ARL5A: variants seen among roughly 807,000 people sequenced by gnomAD.
ARL5A encodes the protein ADP-ribosylation factor-like protein 5A.
In ARL5A, 18 loss-of-function variants were observed where a neutral mutation model predicts 25.9. The observed-to-expected ratio is 0.69, with a 90% CI of 0.48 to 1.03. The LOEUF (loss-of-function observed/expected upper bound fraction) is 1.03, where lower values mean the gene tolerates loss of function less well. ARL5A is among the 50% of genes least tolerant of loss of function. ARL5A has a pLI of 0.00. For missense variants in ARL5A, 170 were observed against 211.9 expected (o/e 0.80, Z 1.23); for synonymous variants, 61 against 67.5 (o/e 0.90, Z 0.47).
intron 1 of ARL5A, among the ~76,000 whole-genome samples, chr2:151,823,106 G>GA (rs1409709315): frequency 6.6e-6 from 1 of 152,072 alleles, no homozygotes; most frequent in African/African-American, 2.4e-5. Flanking sequence ...CCTCATATCT[G>GA]AACTATCACT....
chr2:151,826,493 C>T (rs1355129609), intron 1 of ARL5A, among the ~76,000 whole-genome samples: 3 of 152,168 alleles, frequency 2.0e-5, no homozygotes, highest in Non-Finnish European at 4.4e-5. Context: ...ATCATTGACT[C>T]AAAATAGAAA....
At chr2:151,818,598 G>T (rs1348192648) in intron 1 of ARL5A, among the ~76,000 whole-genome samples, 1 of 152,164 alleles carries the variant, frequency 6.6e-6, no homozygotes, top group Non-Finnish European at 1.5e-5. Context: ...TTAGAGCAAG[G>T]CCATGCCTGC....
At chr2:151,816,250 G>A (rs1578378217) in intron 1 of ARL5A, among the ~76,000 whole-genome samples, 1 of 152,106 alleles carries the variant, frequency 6.6e-6, no homozygotes, top group East Asian at 1.9e-4. Flanking sequence ...CTGTTGAAAG[G>A]GATGACCAGT....
intron 1 of ARL5A, chr2:151,827,580 C>T (rs1319394388): frequency 2.6e-5 from 4 of 152,462 alleles, no homozygotes; most frequent in Non-Finnish European, 5.9e-5. Flanking sequence ...GGCAGAAGAA[C>T]CCCCCCTGCC....
Position 151,828,101 on chromosome 2 carries a change from A to T in ARL5A, c.46+30T>A, listed in dbSNP as rs12619358. 1.8e-3 allele frequency: 2,898 copies of T among 1,598,584 alleles called. 71 individuals carry two copies. The East Asian group carries it at 0.052, about 29-fold the overall frequency. On this transcript the variant is annotated intron_variant, in intron 1 of 5. Transcript: ENST00000295087. ...CCGGCCCGAGCTGACCCTCTCCCCA[A>T]CCCGTACGCCCGCGGACCGAGCTCC...
intron 5 of ARL5A, among the ~76,000 whole-genome samples, chr2:151,804,684 A>G (rs13417280): frequency 0.17 from 26,130 of 152,080 alleles, 3,589 homozygotes; most frequent in African/African-American, 0.39. Context: ...ACTAGAAACT[A>G]ACTTAATATC....
intron 3 of ARL5A, 86 bp downstream of exon 3, chr2:151,814,083 T>A: frequency 8.0e-7 from 1 of 1,248,882 alleles, no homozygotes; most frequent in Non-Finnish European, 1.1e-6. Flanking sequence ...CTGTGATATT[T>A]CAAAAAGATT....
At chr2:151,822,058 C>A (rs964487449) in intron 1 of ARL5A, among the ~76,000 whole-genome samples, 13 of 152,048 alleles carry the variant, frequency 8.5e-5, no homozygotes, top group Non-Finnish European at 1.5e-4. Context: ...CCATATTGGC[C>A]AGGCTGGTCT....
At chr2:151,821,388 A>C (rs1356462598) in intron 1 of ARL5A, among the ~76,000 whole-genome samples, 4 of 152,234 alleles carry the variant, frequency 2.6e-5, no homozygotes, top group African/African-American at 9.6e-5. Flanking sequence ...AAGAAACTCC[A>C]ATCAAACATA....
At chr2:151,821,377 A>G (rs2099832279) in intron 1 of ARL5A, among the ~76,000 whole-genome samples, 1 of 152,184 alleles carries the variant, frequency 6.6e-6, no homozygotes, top group African/African-American at 2.4e-5. Context: ...AAAAAGGAGG[A>G]AAGAAACTCC....
chr2:151,816,724 G>C lies in ARL5A; in HGVS notation c.47-1525C>G, dbSNP rs1483758257. On this transcript the variant is annotated intron_variant, in intron 1 of 5. Transcript: ENST00000295087. ...CCCAGAAAAAGATAAAAATTTACTA[G>C]AAACTGTACTTCAAAGTTTGAATTT... is the stretch of plus-strand genomic sequence containing the variant. Among the ~76,000 whole-genome samples, 4 of 152,164 alleles carry C rather than the reference G, an allele frequency of 2.6e-5. No homozygotes were observed. In the East Asian group the frequency reaches 7.7e-4, roughly 29 times the overall value.
At chr2:151,819,120 T>A (rs571211896) in intron 1 of ARL5A, among the ~76,000 whole-genome samples, 1 of 152,236 alleles carries the variant, frequency 6.6e-6, no homozygotes, top group African/African-American at 2.4e-5. Context: ...CAAGAATCTA[T>A]AATATATAAC....
In ARL5A at chr2:151,806,985, A is replaced by G. The variant is rs186242807; in HGVS notation, c.340-13T>C. The G allele has an allele frequency of 5.0e-5, 80 of 1,596,518 alleles. No homozygotes were observed. In the East Asian group the frequency reaches 1.8e-3, roughly 35 times the overall value. On this transcript the variant is annotated splice_polypyrimidine_tract_variant and intron_variant, in intron 4 of 5. Coordinates refer to ENST00000295087, the MANE Select transcript of ARL5A (RefSeq NM_012097.4). ...CTTTTCTTAGGTCCTATTAAAGCAA[A>G]TAAAACTGTAAAGGCCAATACATTT...
chr2:151,810,553 T>C, intron 4 of ARL5A: 1 of 446,204 alleles, frequency 2.2e-6, no homozygotes, highest in Non-Finnish European at 4.5e-6. Flanking sequence ...TTAGGTCTTC[T>C]TTTTACTTCT....
At chr2:151,825,161 T>A (rs571144149) in intron 1 of ARL5A, among the ~76,000 whole-genome samples, 36 of 152,328 alleles carry the variant, frequency 2.4e-4, no homozygotes, top group Non-Finnish European at 5.0e-4. Context: ...ACTAAATAGG[T>A]GTTAAAATAT....
At chr2:151,817,133 G>A (rs1450380711) in intron 1 of ARL5A, among the ~76,000 whole-genome samples, 1 of 152,180 alleles carries the variant, frequency 6.6e-6, no homozygotes, top group East Asian at 1.9e-4. Context: ...TTTCTCTACA[G>A]CTACTCATGG....
chr2:151,805,733 C>A (rs116515230), intron 5 of ARL5A, among the ~76,000 whole-genome samples: 30 of 152,128 alleles, frequency 2.0e-4, no homozygotes, highest in Non-Finnish European at 3.2e-4. Flanking sequence ...TGAAACATAT[C>A]TAAAAATAGA....
chr2:151,801,104 C>T lies in ARL5A; in HGVS notation c.*2172G>A, dbSNP rs1437149006. 1 of 152,422 alleles carries T rather than the reference C, an allele frequency of 6.6e-6. No homozygotes were observed. The highest frequency in any genetic ancestry group is 1.5e-5 in the Non-Finnish European group (1 of 67,946). The allele number at this position is 152,422 out of a possible 1,614,324, so 9.4% of individuals were successfully genotyped here. ...GGTTTTATGTACAAGTACACAAGTA[C>T]CACCTTATTTTTAATGTTTACCTTG... On this transcript the variant is annotated 3_prime_UTR_variant, in exon 6 of 6. Coordinates refer to ENST00000295087, the MANE Select transcript of ARL5A (RefSeq NM_012097.4).
Position 151,828,195 on chromosome 2 carries a change from C to CA in ARL5A, c.-20_-19insT, listed in dbSNP as rs766821652. The CA allele has an allele frequency of 3.2e-5, 51 of 1,605,438 alleles. No homozygotes were observed. The Middle Eastern group carries it at 6.6e-4, about 21-fold the overall frequency. The stretch of plus-strand genomic sequence containing the variant: ...TTCCCATTCTCGGGCAGCGGACCCC[C>CA]CCCCTCCAGACACCCGGGCCGCCTG... On this transcript the variant is annotated 5_prime_UTR_variant, in exon 1 of 6. Transcript: ENST00000295087.
Sources: gnomAD v4.1 joint callset for allele counts (sites outside exome capture counted in the v4.1 genomes callset) on GRCh38, gnomAD v4.1.1 for gene constraint, MANE v1.5 for transcripts, NCBI Gene and HGNC (gene_info 2026-07-23, HGNC 2026-07-21) for gene names.